The following COL19A1 variants were observed in gnomAD, a reference collection of about 807,000 sequenced individuals.
The protein encoded by COL19A1 is collagen alpha-1(XIX) chain.
A neutral mutation model predicts 190.2 loss-of-function variants in COL19A1; 159 were observed. That is an observed-to-expected ratio of 0.84 (90% confidence interval 0.73 to 0.95). The LOEUF is 0.95. Among genes scored for constraint, COL19A1 ranks in the 40% least tolerant of loss-of-function variants. The pLI, the probability that COL19A1 is intolerant of heterozygous loss-of-function variation, is 0.00. For missense variants in COL19A1, 1,418 were observed against 1,431.9 expected (o/e 0.99, Z 0.16); for synonymous variants, 509 against 458.9 (o/e 1.11, Z -1.39).
At chr6:70,196,709 ATG>A (rs1474829879) in intron 48 of COL19A1, among the ~76,000 whole-genome samples, 1 of 152,202 alleles carries the variant, frequency 6.6e-6, no homozygotes, top group African/African-American at 2.4e-5. Flanking sequence ...CAGATGGAAA[ATG>A]TGTGTTTGGT....
intron 15 of COL19A1, among the ~76,000 whole-genome samples, chr6:70,088,249 A>G (rs990000978): frequency 1.3e-5 from 2 of 152,142 alleles, no homozygotes; most frequent in Admixed American, 1.3e-4. Flanking sequence ...CTAGCCCACT[A>G]TCTTTAGGCA....
intron 10 of COL19A1, 125 bp from the exon 11 acceptor site, chr6:69,962,701 A>T: frequency 1.9e-6 from 1 of 534,906 alleles, no homozygotes. Flanking sequence ...TAGAGCTTAC[A>T]TGTTAGAAAT....
chr6:69,966,246 C>T (rs1340830725), intron 11 of COL19A1, among the ~76,000 whole-genome samples: 2 of 152,072 alleles, frequency 1.3e-5, no homozygotes, highest in Non-Finnish European at 2.9e-5. Flanking sequence ...CCCCTCTGCC[C>T]GGCCGCCACC....
At chr6:69,974,936 C>T (rs1348529116) in intron 11 of COL19A1, among the ~76,000 whole-genome samples, 2 of 151,576 alleles carry the variant, frequency 1.3e-5, no homozygotes, top group Non-Finnish European at 2.9e-5. Flanking sequence ...CCTCAGCCTC[C>T]CGAGTAGCTG....
chr6:69,971,625 C>G (rs1045949426), intron 11 of COL19A1, among the ~76,000 whole-genome samples: 2 of 152,142 alleles, frequency 1.3e-5, no homozygotes, highest in Non-Finnish European at 2.9e-5. Flanking sequence ...CAGAGAATTC[C>G]AAACGTTTTA....
At chr6:69,916,575 A>G (rs1294460287) in intron 4 of COL19A1, among the ~76,000 whole-genome samples, 1 of 152,182 alleles carries the variant, frequency 6.6e-6, no homozygotes. Flanking sequence ...ATAATAATTT[A>G]CCTTTCAGGG....
chr6:70,141,291 A>G (rs1312151573), intron 20 of COL19A1, among the ~76,000 whole-genome samples: 2 of 152,132 alleles, frequency 1.3e-5, no homozygotes, highest in Admixed American at 1.3e-4. Flanking sequence ...TAGGATATCA[A>G]AAATATAAAA....
intron 15 of COL19A1, among the ~76,000 whole-genome samples, chr6:70,088,350 T>G (rs1782704902): frequency 6.6e-6 from 1 of 152,132 alleles, no homozygotes; most frequent in Non-Finnish European, 1.5e-5. Flanking sequence ...AATTAATAAA[T>G]GAAAGAGGAT....
intron 1 of COL19A1, among the ~76,000 whole-genome samples, chr6:69,867,045 G>A (rs538375151): frequency 1.2e-4 from 19 of 152,054 alleles, no homozygotes; most frequent in Non-Finnish European, 1.8e-4. Context: ...AAAAATGGGG[G>A]GTTAAAGGAG....
At chr6:69,938,186 C>A in intron 9 of COL19A1, 86 bp downstream of exon 9, 1 of 1,247,614 alleles carries the variant, frequency 8.0e-7, no homozygotes, top group Non-Finnish European at 1.1e-6. Context: ...TTTCTTTATT[C>A]TGTACAAATA....
chr6:70,032,767 C>A (rs114260961), intron 12 of COL19A1, among the ~76,000 whole-genome samples: 1,611 of 151,940 alleles, frequency 0.011, 26 homozygotes, highest in African/African-American at 0.036. Flanking sequence ...GGTCTAAAGG[C>A]CAGAAGCAAC....
intron 11 of COL19A1, among the ~76,000 whole-genome samples, chr6:69,995,003 C>A (rs1776819575): frequency 1.3e-5 from 2 of 152,162 alleles, no homozygotes; most frequent in Non-Finnish European, 2.9e-5. Context: ...CCTTTGTGGA[C>A]TCCCTTCCTT....
At position 69,893,655 on chromosome 6, in the gene COL19A1, A is replaced by G. The variant is rs78022799; in HGVS notation, c.92-5293A>G. ...AGTATATTTCCTTGCCATACCTTGA[A>G]ATTGCCCTGCAAAATCTCTTGTGGG... On this transcript the variant is annotated intron_variant, in intron 2 of 50. Transcript: ENST00000620364. Among the ~76,000 whole-genome samples the G allele has an allele frequency of 7.4e-3, 1,128 of 152,326 alleles. 12 individuals carry two copies. The highest frequency in any genetic ancestry group is 0.025 in the African/African-American group (1,046 of 41,584).
intron 14 of COL19A1, among the ~76,000 whole-genome samples, chr6:70,063,731 C>A (rs1256423208): frequency 6.6e-6 from 1 of 151,956 alleles, no homozygotes. Context: ...TGATAGACCG[C>A]TAGCAAGACT....
At chr6:70,195,136 G>GATATATATATATATATATATATATAT (rs202055762) in intron 48 of COL19A1, among the ~76,000 whole-genome samples, 3 of 136,030 alleles carry the variant, frequency 2.2e-5, no homozygotes, top group Non-Finnish European at 4.8e-5. Context: ...CATCATTGAT[G>GATATATATATATATATATATATATAT]ATATATATAT....
intron 11 of COL19A1, among the ~76,000 whole-genome samples, chr6:69,994,639 G>A (rs1202385405): frequency 1.3e-5 from 2 of 152,088 alleles, no homozygotes; most frequent in African/African-American, 2.4e-5. Context: ...CTATAATTTG[G>A]AAATTGTCAC....
chr6:70,168,092 T>A lies in COL19A1; in HGVS notation c.2496+17T>A. The A allele has an allele frequency of 6.3e-7, 1 of 1,582,300 alleles. No individual in the cohort carries two copies. Among genetic ancestry groups the A allele is most frequent in the Non-Finnish European group, 8.6e-7 (1 of 1,158,460 alleles). On this transcript the variant is annotated intron_variant, in intron 38 of 50. Coordinates refer to ENST00000620364, the MANE Select transcript of COL19A1 (RefSeq NM_001858.6). ...AAAATTAAGGTATTTATATTTGTAA[T>A]TATTTAAAATCCAGTTATAGACTGC...
chr6:70,168,617 C>T, intron 39 of COL19A1, 38 bp from the exon 40 acceptor site: 1 of 1,607,562 alleles, frequency 6.2e-7, no homozygotes, highest in South Asian at 1.1e-5. Flanking sequence ...CTGCTTTGGT[C>T]ATTATTTGAA....
At chr6:70,105,945 A>C (rs1783933535) in intron 16 of COL19A1, among the ~76,000 whole-genome samples, 1 of 152,194 alleles carries the variant, frequency 6.6e-6, no homozygotes, top group African/African-American at 2.4e-5. Flanking sequence ...GGAAAGTTGG[A>C]GGGAGACTTT....
Sources: gnomAD v4.1 joint callset for allele counts (sites outside exome capture counted in the v4.1 genomes callset) on GRCh38, gnomAD v4.1.1 for gene constraint, MANE v1.5 for transcripts, NCBI Gene and HGNC (gene_info 2026-07-23, HGNC 2026-07-21) for gene names.